Variants in HIVEP3 observed in about 807,000 individuals in gnomAD.
The protein encoded by HIVEP3 is transcription factor HIVEP3.
HIVEP3 carries 49 observed loss-of-function variants against 152.8 expected under a neutral mutation model. The observed-to-expected ratio is 0.32, with a 90% CI of 0.26 to 0.41. The LOEUF is 0.41. Among genes scored for constraint, HIVEP3 ranks in the 10% least tolerant of loss-of-function variants. The pLI is 1.00. For missense variants in HIVEP3, 2,790 were observed against 3,103.3 expected, an observed-to-expected ratio of 0.90 and a Z score of 2.40; for synonymous variants, 1,269 against 1,289.0, an observed-to-expected ratio of 0.98 and a Z score of 0.33.
chr1:42,022,566 C>T (rs1284762414), intron 1 of HIVEP3, among the ~76,000 whole-genome samples: 1 of 152,168 alleles, frequency 6.6e-6, no homozygotes, highest in Non-Finnish European at 1.5e-5. Context: ...CTGTAAACTC[C>T]TTTGGGAAGA....
At chr1:42,021,476 G>C (rs909629046) in intron 1 of HIVEP3, among the ~76,000 whole-genome samples, 7 of 152,114 alleles carry the variant, frequency 4.6e-5, no homozygotes, top group African/African-American at 9.7e-5. Context: ...TTAGGGTAAG[G>C]GGGGGTTGGG....
chr1:41,580,571 G>A lies in HIVEP3; in HGVS notation c.4227C>T (p.Ser1409=), dbSNP rs1297635828. Residue 1409 remains serine (S), a synonymous_variant, in exon 4 of 9, where the codon TCC becomes TCT. Transcript: ENST00000372583. Reference sequence around the variant, plus strand: ...GGCTCAAGATACTCTCTGATGACAGGGAAGTGCCTTTTCTTTCAGGTAATG... The same window carrying A: ...GGCTCAAGATACTCTCTGATGACAGAGAAGTGCCTTTTCTTTCAGGTAATG... ...PVTLPERKGT[S]LSSESILSLE... is the part of the protein sequence containing the mutation. 2 of 1,614,206 alleles carry A rather than the reference G, an allele frequency of 1.2e-6. No homozygotes were observed. Among genetic ancestry groups the A allele is most frequent in the East Asian group, 2.2e-5 (1 of 44,888 alleles).
At chr1:41,962,466 T>C (rs968080301) in intron 1 of HIVEP3, among the ~76,000 whole-genome samples, 2 of 152,230 alleles carry the variant, frequency 1.3e-5, no homozygotes, top group African/African-American at 4.8e-5. Flanking sequence ...CAATTCATAT[T>C]TGGATTTTCA....
chr1:41,798,972 C>CAGCA, intron 1 of HIVEP3, among the ~76,000 whole-genome samples: 1 of 152,308 alleles, frequency 6.6e-6, no homozygotes, highest in Middle Eastern at 3.4e-3. Flanking sequence ...CACGGACAGA[C>CAGCA]AGCACTTAGC....
intron 1 of HIVEP3, among the ~76,000 whole-genome samples, chr1:41,925,390 T>A (rs985068425): frequency 2.0e-5 from 3 of 152,220 alleles, no homozygotes; most frequent in Non-Finnish European, 4.4e-5. Context: ...ATATATTGTA[T>A]ACTGACAAGT....
At chr1:41,734,440 AC>A (rs1471892926) in intron 1 of HIVEP3, among the ~76,000 whole-genome samples, 2 of 151,752 alleles carry the variant, frequency 1.3e-5, no homozygotes. Context: ...GTTTCCAGCC[AC>A]CCCCTCCCAT....
At chr1:41,654,347 T>TA (rs55925173) in intron 2 of HIVEP3, among the ~76,000 whole-genome samples, 84,307 of 151,690 alleles carry the variant, frequency 0.56, 23,985 homozygotes, top group East Asian at 0.97. Context: ...CTCAGGATAG[T>TA]TGCTTAGGAT....
intron 1 of HIVEP3, among the ~76,000 whole-genome samples, chr1:41,747,747 GA>G (rs1334475219): frequency 1.1e-4 from 16 of 152,276 alleles, no homozygotes; most frequent in Admixed American, 4.6e-4. Context: ...GTGTTGTGTA[GA>G]TGGCTCCCAT....
intron 1 of HIVEP3, among the ~76,000 whole-genome samples, chr1:41,824,782 TATAG>T (rs1447032115): frequency 7.7e-4 from 11 of 14,296 alleles, no homozygotes; most frequent in Admixed American, 1.7e-3. Flanking sequence ...TATATATATA[TATAG>T]AGAGAGAGAG....
intron 1 of HIVEP3, among the ~76,000 whole-genome samples, chr1:41,890,997 G>A (rs1644437922): frequency 6.6e-6 from 1 of 152,166 alleles, no homozygotes; most frequent in African/African-American, 2.4e-5. Context: ...GCCCTGAAAC[G>A]AGCAGGCCAG....
intron 5 of HIVEP3, among the ~76,000 whole-genome samples, chr1:41,529,917 AC>A (rs34763153): frequency 5.6e-5 from 5 of 90,004 alleles, no homozygotes; most frequent in Non-Finnish European, 8.3e-5. Flanking sequence ...ACACACCAAC[AC>A]CCCCCACCAC....
chr1:41,918,923 T>A (rs1201755671), upstream of HIVEP3, among the ~76,000 whole-genome samples: 1 of 152,166 alleles, frequency 6.6e-6, no homozygotes, highest in Non-Finnish European at 1.5e-5. The surrounding 1 kb of genome is among the most constrained non-coding windows in gnomAD (Gnocchi z 4.3). Flanking sequence ...AGTCCAGACC[T>A]TTTTTGAAAG....
chr1:41,815,104 G>GTAACATCTGAACTGATACCTGT (rs1222027850), intron 1 of HIVEP3, among the ~76,000 whole-genome samples: 24 of 152,166 alleles, frequency 1.6e-4, no homozygotes, highest in Non-Finnish European at 3.2e-4. Flanking sequence ...GTAATAAGAG[G>GTAACATCTGAACTGATACCTGT]TAACATCTGA....
chr1:41,952,722 GC>G (rs769390077), intron 1 of HIVEP3, among the ~76,000 whole-genome samples: 2 of 151,984 alleles, frequency 1.3e-5, no homozygotes, highest in African/African-American at 2.4e-5. Context: ...ATTTAAATAA[GC>G]AAGACAAGTT....
chr1:41,724,067 T>G (rs1570401485), intron 1 of HIVEP3, among the ~76,000 whole-genome samples: 1 of 152,176 alleles, frequency 6.6e-6, no homozygotes, highest in East Asian at 1.9e-4. Flanking sequence ...AATAATATCA[T>G]GAGGGGGGAG....
upstream of HIVEP3, among the ~76,000 whole-genome samples, chr1:41,919,276 C>T (rs114926028): frequency 6.6e-6 from 1 of 152,062 alleles, no homozygotes; most frequent in South Asian, 2.1e-4. Flanking sequence ...ACGGGTCAGA[C>T]GAGACAGGGC....
At chr1:41,641,757 G>T (rs1645376735) in intron 2 of HIVEP3, among the ~76,000 whole-genome samples, 1 of 152,170 alleles carries the variant, frequency 6.6e-6, no homozygotes, top group Admixed American at 6.5e-5. Context: ...TGCAGCTCTG[G>T]GTCAACCCTC....
chr1:41,791,097 C>T (rs1649661550), intron 1 of HIVEP3, among the ~76,000 whole-genome samples: 2 of 150,920 alleles, frequency 1.3e-5, no homozygotes, highest in African/African-American at 4.9e-5. Flanking sequence ...ATAATTCTCT[C>T]CCCACAGCAC....
At chr1:41,703,851 C>T (rs1646397031) in intron 1 of HIVEP3, among the ~76,000 whole-genome samples, 2 of 152,204 alleles carry the variant, frequency 1.3e-5, no homozygotes, top group Non-Finnish European at 2.9e-5. Context: ...CTGGAGTCCC[C>T]CAGTTCCTTG....
Sources: allele counts gnomAD v4.1 joint callset (sites outside exome capture counted in the v4.1 genomes callset), GRCh38; gene constraint gnomAD v4.1.1; non-coding constraint Gnocchi (gnomAD v3.1); transcripts MANE v1.5; gene names NCBI Gene and HGNC (gene_info 2026-07-23, HGNC 2026-07-21).